Variants in CCHCR1 observed in about 807,000 individuals in gnomAD.
CCHCR1 encodes the protein coiled-coil alpha-helical rod protein 1.
Under a neutral mutation model 114.6 loss-of-function variants are expected in CCHCR1, and 91 were observed. The ratio of observed to expected loss-of-function variants is 0.79; its 90% confidence interval spans 0.67 to 0.94. CCHCR1 has a LOEUF of 0.94. Ranked by LOEUF, CCHCR1 falls within the 40% of genes least tolerant of loss-of-function variation. CCHCR1 has a pLI of 0.00. For synonymous variants in CCHCR1, 379 were observed against 428.5 expected (o/e 0.88, Z 1.43); for missense variants, 899 against 1,079.9 (o/e 0.83, Z 2.35).
In CCHCR1 at chr6:31,148,450, G is replaced by A. The variant is rs183012871; in HGVS notation, c.1535C>T (p.Ala512Val). Residue 512 changes from alanine to valine, a missense_variant, in exon 10 of 18, where the codon GCC (alanine) becomes GTC (valine). Coordinates refer to ENST00000396268, the MANE Select transcript of CCHCR1 (RefSeq NM_001105564.2). Reference protein sequence around the residue: ...EARRRWQQQTASAEEQLRLVV... With the variant: ...EARRRWQQQTVSAEEQLRLVV... Reference sequence around the variant, plus strand: ...AAGCCTCAGCTGCTCCTCGGCTGAGGCTGTCTGCTGCTGCCACCGACGCCT... The same window carrying A: ...AAGCCTCAGCTGCTCCTCGGCTGAGACTGTCTGCTGCTGCCACCGACGCCT... 1.2e-6 allele frequency: 2 copies of A among 1,612,694 alleles called. No homozygotes were observed. The highest frequency in any genetic ancestry group is 3.3e-5 in the Admixed American group (2 of 59,994).
At chr6:31,155,394 G>A (rs1019043115) in intron 3 of CCHCR1, among the ~76,000 whole-genome samples, 4 of 151,968 alleles carry the variant, frequency 2.6e-5, no homozygotes, top group African/African-American at 7.3e-5. Flanking sequence ...CACGAGGTCA[G>A]GAGATCGAGA....
Position 31,157,751 on chromosome 6 carries a change from CCGCCTCCTCTTTCT to C in CCHCR1, c.-165_-152del. ...TCCCCTTAGCTTCCATGCCTGCTGC[CCGCCTCCTCTTTCT>C]CGAGTCCTAACACATAGTGGGCACT... On this transcript the variant is annotated 5_prime_UTR_variant, in exon 1 of 18. Coordinates refer to ENST00000396268, the MANE Select transcript of CCHCR1 (RefSeq NM_001105564.2). The C allele has an allele frequency of 4.7e-6, 3 of 636,454 alleles. No homozygotes were observed. The highest frequency in any genetic ancestry group is 8.1e-6 in the Non-Finnish European group (3 of 368,402). The allele number at this position is 636,454 out of a possible 1,614,324, so 39.4% of individuals were successfully genotyped here.
Position 31,142,680 on chromosome 6 carries a change from A to G in CCHCR1, c.2528T>C (p.Leu843Pro). The change falls in exon 18 of 18, where the codon CTG (leucine) becomes CCG (proline). Residue 843 changes from leucine (L) to proline (P), a missense_variant. Transcript: ENST00000396268. ...LSVLLDDLQD[L>P]SEAISKEEAV... is the part of the protein sequence containing the mutation. ...TTCCTCTTTGGAAATGGCTTCACTC[A>G]GGTCCTGCAGGTCATCGAGCAGGAC... 1 of 1,612,856 alleles carries G rather than the reference A, an allele frequency of 6.2e-7. No individual in the cohort carries two copies. Among genetic ancestry groups the G allele is most frequent in the Non-Finnish European group, 8.5e-7 (1 of 1,179,876 alleles).
chr6:31,144,719 A>G lies in CCHCR1; in HGVS notation c.2135T>C (p.Leu712Pro). The change falls in exon 15 of 18, where the codon CTG (leucine) becomes CCG (proline). Residue 712 changes from leucine to proline, a missense_variant. Leu to Pro is a moderately conservative substitution (Grantham distance 98). Coordinates refer to ENST00000396268, the MANE Select transcript of CCHCR1 (RefSeq NM_001105564.2). The surrounding 1 kb of genome is among the most constrained non-coding windows in gnomAD (Gnocchi z 4.6). ...REQLSDTERRLNEARREHAKA... is the reference protein window; with the variant it reads ...REQLSDTERRPNEARREHAKA... ...GGCATGCTCCCTCCGAGCCTCGTTC[A>G]GCCTCCTCTCTGTGTCTGAGAGTTG... 1 of 1,613,190 alleles carries G rather than the reference A, an allele frequency of 6.2e-7. No homozygotes were observed. The highest frequency in any genetic ancestry group is 8.5e-7 in the Non-Finnish European group (1 of 1,179,438).
Position 31,150,343 on chromosome 6 carries a change from G to A in CCHCR1, c.1212+112C>T. 7.4e-7 allele frequency: 1 copy of A among 1,342,854 alleles called. No individual in the cohort carries two copies. The highest frequency in any genetic ancestry group is 1.0e-6 in the Non-Finnish European group (1 of 954,502). 83.2% of individuals were successfully genotyped at this position (1,342,854 alleles called of 1,614,324 possible). On this transcript the variant is annotated intron_variant, in intron 7 of 17. Coordinates refer to ENST00000396268, the MANE Select transcript of CCHCR1 (RefSeq NM_001105564.2). The surrounding 1 kb of genome is among the most constrained non-coding windows in gnomAD (Gnocchi z 5.3). ...CAGCAAGAGGAGTTCACAGGAAGGA[G>A]ATCTAAGCAGGTTCTGGGGCACATT...
rs571647491 is a variant in CCHCR1 at position 31,153,730 on chromosome 6, C to T, written c.801+766G>A. Among the ~76,000 whole-genome samples, 3 of 152,318 alleles carry T rather than the reference C, an allele frequency of 2.0e-5. No homozygotes were observed. The South Asian group carries it at 6.2e-4, about 32-fold the overall frequency. On this transcript the variant is annotated intron_variant, in intron 4 of 17. Coordinates refer to ENST00000396268, the MANE Select transcript of CCHCR1 (RefSeq NM_001105564.2). Reference sequence around the variant, plus strand: ...AAGTAGCTGGGATTACAGGTGCGCACCACCACGCCTGGTGAATTTTTGTAT... The same window carrying T: ...AAGTAGCTGGGATTACAGGTGCGCATCACCACGCCTGGTGAATTTTTGTAT...
In CCHCR1 at chr6:31,150,750, C is replaced by G. The variant is rs377127124; in HGVS notation, c.1076G>C (p.Arg359Pro). The part of the protein sequence containing the change: ...EVHSQTWELE[R>P]QKLLETMQHL... ...CTGCATGGTTTCCAGAAGCTTCTGT[C>G]GCTCCAGTTCCCATGTCTGGCTGTG... Residue 359 changes from arginine to proline, a missense_variant, in exon 6 of 18, where the codon CGA (arginine) becomes CCA (proline). Arg to Pro is a moderately radical substitution (Grantham distance 103, BLOSUM62 -2). Transcript: ENST00000396268. This position sits in a 1 kb window ranked among gnomAD's most constrained non-coding sequence, Gnocchi z 5.3. 5 of 1,612,810 alleles carry G rather than the reference C, an allele frequency of 3.1e-6. No individual in the cohort carries two copies. The highest frequency in any genetic ancestry group is 2.7e-5 in the African/African-American group (2 of 74,926).
Position 31,145,493 on chromosome 6 carries a change from C to T in CCHCR1, c.1694G>A (p.Gly565Asp), listed in dbSNP as rs1380247253. The T allele has an allele frequency of 1.9e-6, 3 of 1,613,966 alleles. No homozygotes were observed. Among genetic ancestry groups the T allele is most frequent in the Non-Finnish European group, 2.5e-6 (3 of 1,179,972 alleles). Residue 565 changes from glycine to aspartate, a missense_variant and splice_region_variant, in exon 12 of 18, where the codon GGC becomes GAC. Physicochemically the swap from Gly to Asp is moderately conservative, Grantham distance 94 (BLOSUM62 -1). Coordinates refer to ENST00000396268, the MANE Select transcript of CCHCR1 (RefSeq NM_001105564.2). ...YAVRKVHTIR[G>D]LIARKLALAQ... Reference sequence around the variant, plus strand: ...AAGGGCAAGCTTTCGAGCAATCAGGCCTGGAGGGGAAAAAGCAGGGAGAAA... The same window carrying T: ...AAGGGCAAGCTTTCGAGCAATCAGGTCTGGAGGGGAAAAAGCAGGGAGAAA...
In CCHCR1 at chr6:31,145,318, G is replaced by A. The variant is rs1561796562; in HGVS notation, c.1740-16C>T. On this transcript the variant is annotated splice_polypyrimidine_tract_variant and intron_variant, in intron 12 of 17. Coordinates refer to ENST00000396268, the MANE Select transcript of CCHCR1 (RefSeq NM_001105564.2). ...TAGGGGACAGCTGGGACGGGGAAGA[G>A]AAAGAGTCAGAAGAAATCACCCAGC... The A allele has an allele frequency of 1.2e-6, 2 of 1,613,706 alleles. No individual in the cohort carries two copies. The highest frequency in any genetic ancestry group is 1.7e-5 in the Admixed American group (1 of 59,998).
At chr6:31,155,833 A>G (rs961841538) in intron 3 of CCHCR1, among the ~76,000 whole-genome samples, 1 of 152,158 alleles carries the variant, frequency 6.6e-6, no homozygotes, top group Admixed American at 6.5e-5. Flanking sequence ...CCAGGCCTCA[A>G]TGCAGTGGCT....
intron 4 of CCHCR1, among the ~76,000 whole-genome samples, chr6:31,153,474 A>G (rs913522947): frequency 1.3e-5 from 2 of 151,654 alleles, no homozygotes; most frequent in East Asian, 3.9e-4. Flanking sequence ...CAATGGATCA[A>G]TTTTTTCCTT....
Position 31,154,937 on chromosome 6 carries a change from G to A in CCHCR1, c.498-138C>T. 1 of 715,784 alleles carries A rather than the reference G, an allele frequency of 1.4e-6. No homozygotes were observed. Among genetic ancestry groups the A allele is most frequent in the Admixed American group, 2.9e-5 (1 of 34,098 alleles). The allele number at this position is 715,784 out of a possible 1,614,324, so 44.3% of individuals were successfully genotyped here. A position where few individuals can be genotyped will look rare whatever the true frequency, so the allele number is the denominator to read the frequency against. On this transcript the variant is annotated intron_variant, in intron 3 of 17. Coordinates refer to ENST00000396268, the MANE Select transcript of CCHCR1 (RefSeq NM_001105564.2). The surrounding 1 kb of genome is among the most constrained non-coding windows in gnomAD (Gnocchi z 4.1). ...AGGTGAAGGGGGTGCTGAAGCTGGG[G>A]TATGGGGATGTCTGCATTGACATCA...
chr6:31,157,758 C>G lies in CCHCR1; in HGVS notation c.-158G>C. ...AGCTTCCATGCCTGCTGCCCGCCTC[C>G]TCTTTCTCGAGTCCTAACACATAGT... On this transcript the variant is annotated 5_prime_UTR_variant, in exon 1 of 18. Coordinates refer to ENST00000396268, the MANE Select transcript of CCHCR1 (RefSeq NM_001105564.2). 1 of 625,350 alleles carries G rather than the reference C, an allele frequency of 1.6e-6. No homozygotes were observed. Among genetic ancestry groups the G allele is most frequent in the Non-Finnish European group, 2.8e-6 (1 of 358,358 alleles). 38.7% of individuals were successfully genotyped at this position (625,350 alleles called of 1,614,324 possible). A position where few individuals can be genotyped will look rare whatever the true frequency, so the allele number is the denominator to read the frequency against.
At position 31,150,332 on chromosome 6, in the gene CCHCR1, C is replaced by A; in HGVS notation, c.1213-117G>T. On this transcript the variant is annotated intron_variant, in intron 7 of 17. Coordinates refer to ENST00000396268, the MANE Select transcript of CCHCR1 (RefSeq NM_001105564.2). This position sits in a 1 kb window ranked among gnomAD's most constrained non-coding sequence, Gnocchi z 5.3. ...AACATGAGCTACAGCAAGAGGAGTT[C>A]ACAGGAAGGAGATCTAAGCAGGTTC... is the stretch of plus-strand genomic sequence containing the variant. 7.3e-7 allele frequency: 1 copy of A among 1,367,012 alleles called. No homozygotes were observed. Among genetic ancestry groups the A allele is most frequent in the Non-Finnish European group, 1.0e-6 (1 of 976,078 alleles). 84.7% of individuals were successfully genotyped at this position (1,367,012 alleles called of 1,614,324 possible).
Position 31,145,492 on chromosome 6 carries a change from G to A in CCHCR1, c.1695C>T (p.Gly565=). 1.2e-6 allele frequency: 2 copies of A among 1,614,098 alleles called. No homozygotes were observed. Among genetic ancestry groups the A allele is most frequent in the Non-Finnish European group, 1.7e-6 (2 of 1,179,970 alleles). The change falls in exon 12 of 18, where the codon GGC becomes GGT. Residue 565 remains glycine, a splice_region_variant and synonymous_variant. Transcript: ENST00000396268. ...YAVRKVHTIR[G]LIARKLALAQ... Reference sequence around the variant, plus strand: ...CAAGGGCAAGCTTTCGAGCAATCAGGCCTGGAGGGGAAAAAGCAGGGAGAA... The same window carrying A: ...CAAGGGCAAGCTTTCGAGCAATCAGACCTGGAGGGGAAAAAGCAGGGAGAA...
chr6:31,147,860 A>C (rs1774574828), intron 10 of CCHCR1, among the ~76,000 whole-genome samples: 2 of 151,952 alleles, frequency 1.3e-5, no homozygotes, highest in South Asian at 4.1e-4. Context: ...GATGCCTGTA[A>C]TCCAGCTACT....
rs746583543 is a variant in CCHCR1 at position 31,154,579 on chromosome 6, C to A, written c.718G>T (p.Ala240Ser). Reference protein sequence around the residue: ...AEAEGLRAALAGAEVVRKNLE... With the variant: ...AEAEGLRAALSGAEVVRKNLE... ...TTCTTCCGGACAACCTCAGCCCCAG[C>A]CAAAGCAGCACGCAGGCCCTCAGCC... Residue 240 changes from alanine to serine, a missense_variant, in exon 4 of 18, where the codon GCT (alanine) becomes TCT (serine). Ala to Ser is a moderately conservative substitution (Grantham distance 99, BLOSUM62 1). Transcript: ENST00000396268. The surrounding 1 kb of genome is among the most constrained non-coding windows in gnomAD (Gnocchi z 4.1). The A allele has an allele frequency of 5.0e-6, 8 of 1,613,072 alleles. No individual in the cohort carries two copies. Among genetic ancestry groups the A allele is most frequent in the South Asian group, 4.4e-5 (4 of 91,086 alleles).
In CCHCR1 at chr6:31,154,612, G is replaced by A. The variant is rs761943277; in HGVS notation, c.685C>T (p.Arg229Ter). 1.5e-5 allele frequency: 25 copies of A among 1,612,982 alleles called. No homozygotes were observed. Among genetic ancestry groups the A allele is most frequent in the African/African-American group, 9.3e-5 (7 of 75,054 alleles). ...GCACGCAGGCCCTCAGCCTCAGCTC[G>A]GCCGGCCTTCTCCGCCCGTGCCAGA... ...EALARAEKAG[R>*]AEAEGLRAAL... The change falls in exon 4 of 18, where the codon CGA becomes TGA. Residue 229 changes from arginine to a stop codon, truncating the protein, a stop_gained. Transcript: ENST00000396268. LOFTEE classifies it high-confidence loss of function. This position sits in a 1 kb window ranked among gnomAD's most constrained non-coding sequence, Gnocchi z 4.1.
Position 31,151,160 on chromosome 6 carries a change from C to A in CCHCR1, c.802-38G>T, listed in dbSNP as rs768296376. ...GAGGGGGCTCAGCAGAGGCTCGACC[C>A]CACATGGAGGCCTTCCTTGTTCCCT... On this transcript the variant is annotated intron_variant, in intron 4 of 17. Transcript: ENST00000396268. The surrounding 1 kb of genome is among the most constrained non-coding windows in gnomAD (Gnocchi z 4.1). The A allele has an allele frequency of 6.3e-7, 1 of 1,587,504 alleles. No homozygotes were observed. Among genetic ancestry groups the A allele is most frequent in the Non-Finnish European group, 8.6e-7 (1 of 1,168,822 alleles).
Sources: gnomAD v4.1 joint callset for allele counts (sites outside exome capture counted in the v4.1 genomes callset) on GRCh38, gnomAD v4.1.1 for gene constraint, Gnocchi (gnomAD v3.1) non-coding constraint, MANE v1.5 for transcripts, NCBI Gene and HGNC (gene_info 2026-07-23, HGNC 2026-07-21) for gene names.